MAST4: variants seen among roughly 807,000 people sequenced by gnomAD.
MAST4 encodes microtubule associated serine/threonine kinase family member 4.
A neutral mutation model predicts 162.7 loss-of-function variants in MAST4; 89 were observed. The ratio of observed to expected loss-of-function variants is 0.55; its 90% confidence interval spans 0.46 to 0.65. The LOEUF (loss-of-function observed/expected upper bound fraction) is 0.65. Ranked by LOEUF, MAST4 falls within the 30% of genes least tolerant of loss-of-function variation. The pLI is 0.00. For missense variants in MAST4, 3,153 were observed against 3,374.0 expected (o/e 0.93, Z 1.62); for synonymous variants, 1,479 against 1,361.1 (o/e 1.09, Z -1.91).
At chr5:67,128,083 A>T (rs1313887723) in intron 14 of MAST4, among the ~76,000 whole-genome samples, 1 of 152,240 alleles carries the variant, frequency 6.6e-6, no homozygotes, top group Non-Finnish European at 1.5e-5. Flanking sequence ...CTTGTCACCC[A>T]CATTAAATCA....
chr5:66,855,692 G>A (rs962038661), intron 3 of MAST4, among the ~76,000 whole-genome samples: 1 of 152,164 alleles, frequency 6.6e-6, no homozygotes, highest in Non-Finnish European at 1.5e-5. Flanking sequence ...TCTGGAATTG[G>A]CTACCTGAAG....
At chr5:67,110,904 A>T (rs1021554866) in intron 11 of MAST4, among the ~76,000 whole-genome samples, 2 of 152,128 alleles carry the variant, frequency 1.3e-5, no homozygotes, top group African/African-American at 4.8e-5. Flanking sequence ...CACGCCTGTA[A>T]TCCCAGCTAC....
At chr5:66,872,478 A>G (rs868195931) in intron 3 of MAST4, among the ~76,000 whole-genome samples, 52 of 152,220 alleles carry the variant, frequency 3.4e-4, no homozygotes, top group African/African-American at 1.2e-3. Context: ...CCAGGATATA[A>G]TTTTAATCCA....
intron 3 of MAST4, among the ~76,000 whole-genome samples, chr5:66,830,749 C>G (rs888252852): frequency 6.6e-6 from 1 of 152,116 alleles, no homozygotes; most frequent in Non-Finnish European, 1.5e-5. Context: ...TGTAGGGAAA[C>G]TATTTACAGA....
chr5:66,841,179 G>T (rs1419718781), intron 3 of MAST4, among the ~76,000 whole-genome samples: 2 of 152,110 alleles, frequency 1.3e-5, no homozygotes, highest in Admixed American at 1.3e-4. Context: ...AACACCACAA[G>T]TTCCTAATAA....
At chr5:66,758,295 T>C (rs1753666364) in intron 1 of MAST4, among the ~76,000 whole-genome samples, 1 of 152,070 alleles carries the variant, frequency 6.6e-6, no homozygotes. Context: ...ATGAGGTCTG[T>C]TCTATCTCAA....
chr5:66,779,393 CTT>C (rs57118930), intron 2 of MAST4, among the ~76,000 whole-genome samples: 1,646 of 116,654 alleles, frequency 0.014, 15 homozygotes, highest in Middle Eastern at 0.025. Flanking sequence ...ACACATAGCA[CTT>C]TTTTTTTTTT....
chr5:66,979,570 T>C, intron 4 of MAST4, among the ~76,000 whole-genome samples: 1 of 152,162 alleles, frequency 6.6e-6, no homozygotes, highest in East Asian at 1.9e-4. Flanking sequence ...GAATGATCCT[T>C]GGTTGTGGGG....
At chr5:66,675,811 T>A (rs890623682) in intron 1 of MAST4, among the ~76,000 whole-genome samples, 6 of 152,220 alleles carry the variant, frequency 3.9e-5, no homozygotes, top group African/African-American at 1.4e-4. Flanking sequence ...GTTCTGATAT[T>A]CAGGACACCA....
At chr5:66,752,688 T>C (rs1753259923) in intron 1 of MAST4, among the ~76,000 whole-genome samples, 1 of 147,496 alleles carries the variant, frequency 6.8e-6, no homozygotes, top group Non-Finnish European at 1.5e-5. Flanking sequence ...TCCCACACAT[T>C]AATAATGGGA....
At chr5:67,102,953 A>G (rs548174318) in intron 9 of MAST4, among the ~76,000 whole-genome samples, 1 of 152,314 alleles carries the variant, frequency 6.6e-6, no homozygotes, top group East Asian at 1.9e-4. Context: ...GCCTGCTGCC[A>G]CATTGTTAAG....
chr5:67,097,617 C>G (rs1764607120), intron 7 of MAST4, among the ~76,000 whole-genome samples: 1 of 152,082 alleles, frequency 6.6e-6, no homozygotes, highest in African/African-American at 2.4e-5. Flanking sequence ...GAAGACACCC[C>G]CAAGACCATT....
intron 19 of MAST4, among the ~76,000 whole-genome samples, chr5:67,137,743 GGT>G (rs1327737143): frequency 2.0e-5 from 3 of 152,260 alleles, no homozygotes; most frequent in Admixed American, 6.5e-5. Context: ...CCCACAGCCT[GGT>G]ATGGTAAATA....
intron 1 of MAST4, among the ~76,000 whole-genome samples, chr5:66,742,207 T>C (rs938470237): frequency 1.3e-5 from 2 of 152,330 alleles, no homozygotes; most frequent in Middle Eastern, 6.8e-3. Context: ...GGTCAGATGC[T>C]GACCGTACAG....
At chr5:66,891,975 A>T (rs937936999) in intron 3 of MAST4, among the ~76,000 whole-genome samples, 1 of 152,132 alleles carries the variant, frequency 6.6e-6, no homozygotes, top group African/African-American at 2.4e-5. Flanking sequence ...TGTGACACCT[A>T]TTCTTGTGGC....
chr5:66,900,827 A>C (rs1161210242), intron 4 of MAST4, among the ~76,000 whole-genome samples: 3 of 152,114 alleles, frequency 2.0e-5, no homozygotes, highest in African/African-American at 7.2e-5. Context: ...AAATTTTGGA[A>C]AATTTCAGCC....
chr5:66,686,331 T>G (rs1748653872), intron 1 of MAST4, among the ~76,000 whole-genome samples: 2 of 152,162 alleles, frequency 1.3e-5, no homozygotes, highest in South Asian at 4.1e-4. Flanking sequence ...ATTACTATTA[T>G]TATTATTATT....
intron 11 of MAST4, among the ~76,000 whole-genome samples, chr5:67,113,797 C>T (rs899074605): frequency 5.3e-5 from 8 of 152,130 alleles, no homozygotes; most frequent in African/African-American, 7.2e-5. Flanking sequence ...TCATTGCCGA[C>T]GAGCGAGATC....
At chr5:67,013,553 C>G (rs773276665) in intron 4 of MAST4, among the ~76,000 whole-genome samples, 1 of 152,126 alleles carries the variant, frequency 6.6e-6, no homozygotes, top group Admixed American at 6.6e-5. Flanking sequence ...TTATGTCTCA[C>G]GCTTTACTGG....
Sources: allele counts gnomAD v4.1 joint callset (sites outside exome capture counted in the v4.1 genomes callset), GRCh38; gene constraint gnomAD v4.1.1; transcripts MANE v1.5; gene names NCBI Gene and HGNC (gene_info 2026-07-23, HGNC 2026-07-21).